The following CNKSR3 variants were observed in gnomAD, a reference collection of about 807,000 sequenced individuals.
CNKSR3 encodes the protein CNKSR family member 3.
CNKSR3 carries 36 observed loss-of-function variants against 67.7 expected under a neutral mutation model. The ratio of observed to expected loss-of-function variants is 0.53; its 90% confidence interval spans 0.41 to 0.70. CNKSR3 has a LOEUF of 0.70. Ranked by LOEUF, CNKSR3 falls within the 30% of genes least tolerant of loss-of-function variation. The probability of loss-of-function intolerance (pLI) is 0.00; values close to 1 mark genes in which losing one functional copy is unlikely to be tolerated. For missense variants in CNKSR3, 630 were observed against 695.2 expected (o/e 0.91, Z 1.05); for synonymous variants, 281 against 271.4 (o/e 1.04, Z -0.35).
intron 1 of CNKSR3, among the ~76,000 whole-genome samples, chr6:154,485,456 T>G (rs549900273): frequency 8.5e-5 from 13 of 152,318 alleles, no homozygotes; most frequent in Admixed American, 2.0e-4. Flanking sequence ...AGAAACAGTT[T>G]TTTCCCCTGG....
Position 154,402,264 on chromosome 6 carries a change from CA to C in CNKSR3, c.*4089del, listed in dbSNP as rs1784727680. On this transcript the variant is annotated 3_prime_UTR_variant, in exon 13 of 13. Coordinates refer to ENST00000607772, the MANE Select transcript of CNKSR3 (RefSeq NM_173515.4). Reference sequence around the variant, plus strand: ...CGTGATACACAAGCCCTGCAGCTTACAGCCCTCACAACAAAGAGCTGACTCA... The same window carrying C: ...CGTGATACACAAGCCCTGCAGCTTACGCCCTCACAACAAAGAGCTGACTCA... 6.6e-6 allele frequency: 1 copy of C among 152,218 alleles called. No homozygotes were observed. The highest frequency in any genetic ancestry group is 1.5e-5 in the Non-Finnish European group (1 of 68,042). The allele number at this position is 152,218 out of a possible 1,614,324, so 9.4% of individuals were successfully genotyped here.
rs151295409 is a variant in CNKSR3, at chr6:154,496,608, T to G, written c.52+13455A>C. ...TATACAGTCATATCATCTCAGAATTTTAATGTATGAGAGCATTAGAACCTA... is the reference window on the plus strand; with the variant it reads ...TATACAGTCATATCATCTCAGAATTGTAATGTATGAGAGCATTAGAACCTA... On this transcript the variant is annotated intron_variant, in intron 1 of 12. Coordinates refer to ENST00000607772, the MANE Select transcript of CNKSR3 (RefSeq NM_173515.4). Among the ~76,000 whole-genome samples the G allele has an allele frequency of 1.8e-3, 279 of 152,318 alleles. 1 individual carries two copies. The highest frequency in any genetic ancestry group is 6.2e-3 in the African/African-American group (256 of 41,558).
At chr6:154,411,680 A>C (rs9383707) in intron 10 of CNKSR3, among the ~76,000 whole-genome samples, 1 of 147,560 alleles carries the variant, frequency 6.8e-6, no homozygotes, top group Non-Finnish European at 1.5e-5. Flanking sequence ...GGTTTTTTTT[A>C]ATATCCAAAC....
chr6:154,422,971 T>A lies in CNKSR3; in HGVS notation c.742A>T (p.Arg248Ter). The change falls in exon 8 of 13, where the codon AGA becomes TGA. Residue 248 changes from arginine to a stop codon, truncating the protein, a stop_gained. Transcript: ENST00000607772. LOFTEE classifies it high-confidence loss of function. ...TCACCAGCATGAATCTTCTGAGATC[T>A]GTCTGCAGGAGACTGTACAGAAACA... Reference protein sequence around the residue: ...TGTTENSPADRSQKIHAGDEV... With the variant: ...TGTTENSPAD 3 of 1,610,818 alleles carry A rather than the reference T, an allele frequency of 1.9e-6. No individual in the cohort carries two copies. The highest frequency in any genetic ancestry group is 2.5e-6 in the Non-Finnish European group (3 of 1,177,596).
At position 154,510,252 on chromosome 6, in the gene CNKSR3, C is replaced by T. The variant is rs149086708; in HGVS notation, c.-138G>A. The T allele has an allele frequency of 5.8e-3, 5,266 of 913,274 alleles. 22 individuals are homozygous for T. The highest frequency in any genetic ancestry group is 7.3e-3 in the Non-Finnish European group (4,339 of 590,926). 56.6% of individuals were successfully genotyped at this position (913,274 alleles called of 1,614,324 possible). A position where few individuals can be genotyped will look rare whatever the true frequency, so the allele number is the denominator to read the frequency against. On this transcript the variant is annotated 5_prime_UTR_variant, in exon 1 of 13. Transcript: ENST00000607772. ...AGCGACTCCGTCAAGACTGCATGGCCGCGGTCAGCCAGTCGTCCCAGCGCG... is the reference window on the plus strand; with the variant it reads ...AGCGACTCCGTCAAGACTGCATGGCTGCGGTCAGCCAGTCGTCCCAGCGCG...
chr6:154,411,087 G>A lies in CNKSR3; in HGVS notation c.1126C>T (p.Pro376Ser). The change falls in exon 11 of 13, where the codon CCT (proline) becomes TCT (serine). Residue 376 changes from proline to serine, a missense_variant. Transcript: ENST00000607772. The part of the protein sequence containing the change: ...GGSSKCKQPL[P>S]GPKGSESPNS... ...GGGGACTCTGAACCCTTAGGACCAG[G>A]CAATGGTTGTTTGCACTTACTGGAC... 6.2e-7 allele frequency: 1 copy of A among 1,614,052 alleles called. No individual in the cohort carries two copies. Among genetic ancestry groups the A allele is most frequent in the Non-Finnish European group, 8.5e-7 (1 of 1,179,960 alleles).
chr6:154,410,297 T>C, intron 12 of CNKSR3, 46 bp downstream of exon 12: 1 of 1,373,800 alleles, frequency 7.3e-7, no homozygotes, highest in Non-Finnish European at 1.0e-6. Flanking sequence ...CCTGGGGCTG[T>C]TCACTCCCCA....
At chr6:154,417,871 T>C (rs890321935) in intron 9 of CNKSR3, among the ~76,000 whole-genome samples, 6 of 152,090 alleles carry the variant, frequency 3.9e-5, no homozygotes, top group Non-Finnish European at 8.8e-5. Context: ...AGCTGAGTAA[T>C]AGAGGTATTA....
chr6:154,419,844 C>G (rs1378033521), intron 9 of CNKSR3, among the ~76,000 whole-genome samples: 1 of 152,132 alleles, frequency 6.6e-6, no homozygotes, highest in Non-Finnish European at 1.5e-5. Flanking sequence ...CTTTGGGAGG[C>G]TGAGGCGGGC....
rs35873703 is a variant in CNKSR3 at position 154,415,228 on chromosome 6, A to ATTTTTTTTTTT, written c.946-816_946-806dup. Among the ~76,000 whole-genome samples the ATTTTTTTTTTT allele has an allele frequency of 1.3e-3, 155 of 118,110 alleles. 14 individuals are homozygous for ATTTTTTTTTTT. The highest frequency in any genetic ancestry group is 4.0e-3 in the African/African-American group (121 of 30,270). The allele number at this position is 118,110 out of a possible 152,430, so 77.5% of individuals were successfully genotyped here. Reference sequence around the variant, plus strand: ...TCCTGGCTAGACTTACTAGCTGCCCATTTTTTTTTTTTTTTTTTTTAAGAT... The same window carrying ATTTTTTTTTTT: ...TCCTGGCTAGACTTACTAGCTGCCCATTTTTTTTTTTTTTTTTTTTTTTTTTTTTTTAAGAT... On this transcript the variant is annotated intron_variant, in intron 9 of 12. Coordinates refer to ENST00000607772, the MANE Select transcript of CNKSR3 (RefSeq NM_173515.4).
At chr6:154,442,985 G>C (rs1270748355) in intron 2 of CNKSR3, among the ~76,000 whole-genome samples, 1 of 151,986 alleles carries the variant, frequency 6.6e-6, no homozygotes, top group Non-Finnish European at 1.5e-5. Flanking sequence ...TTCTTCCTAG[G>C]TTCACAGGTT....
At chr6:154,489,531 AAAAC>A (rs34366789) in intron 1 of CNKSR3, among the ~76,000 whole-genome samples, 68,551 of 150,794 alleles carry the variant, frequency 0.45, 16,419 homozygotes, top group Middle Eastern at 0.6. Flanking sequence ...AGTCCATCTC[AAAAC>A]AAACAAACAA....
intron 1 of CNKSR3, among the ~76,000 whole-genome samples, chr6:154,480,054 T>G (rs1786534465): frequency 6.6e-6 from 1 of 152,190 alleles, no homozygotes; most frequent in Admixed American, 6.5e-5. Context: ...GAAGTAAACT[T>G]TCTCGTTGTT....
At chr6:154,484,695 C>CAAAAAAAAAAAAAAA (rs1166789172) in intron 1 of CNKSR3, among the ~76,000 whole-genome samples, 1 of 65,522 alleles carries the variant, frequency 1.5e-5, no homozygotes, top group Non-Finnish European at 3.4e-5. Flanking sequence ...GAGCAAGACT[C>CAAAAAAAAAAAAAAA]AAAAAAAAAA....
chr6:154,389,669 A>C lies in CNKSR3; in HGVS notation c.*16685T>G, dbSNP rs543772789. The C allele has an allele frequency of 6.6e-5, 6 of 91,404 alleles. No homozygotes were observed. Among genetic ancestry groups the C allele is most frequent in the African/African-American group, 1.4e-4 (2 of 14,374 alleles). The allele number at this position is 91,404 out of a possible 1,614,324, so 5.7% of individuals were successfully genotyped here. A position where few individuals can be genotyped will look rare whatever the true frequency, so the allele number is the denominator to read the frequency against. Reference sequence around the variant, plus strand: ...AGAACGCCCTAAGACTCCATTTTTTAAACATGTTAGAATAAAGGAATTCAA... The same window carrying C: ...AGAACGCCCTAAGACTCCATTTTTTCAACATGTTAGAATAAAGGAATTCAA... On this transcript the variant is annotated 3_prime_UTR_variant, in exon 13 of 13. Coordinates refer to ENST00000607772, the MANE Select transcript of CNKSR3 (RefSeq NM_173515.4).
intron 1 of CNKSR3, among the ~76,000 whole-genome samples, chr6:154,486,845 G>C (rs1420347225): frequency 6.6e-6 from 1 of 151,918 alleles, no homozygotes; most frequent in Non-Finnish European, 1.5e-5. Context: ...ACTTTTTTAA[G>C]TTAAAATAGA....
At chr6:154,508,055 A>G (rs904395579) in intron 1 of CNKSR3, among the ~76,000 whole-genome samples, 1 of 152,190 alleles carries the variant, frequency 6.6e-6, no homozygotes, top group African/African-American at 2.4e-5. Context: ...CTGATTGTAC[A>G]TTATCAACTA....
chr6:154,477,073 T>A (rs373137050), intron 1 of CNKSR3, among the ~76,000 whole-genome samples: 1 of 152,328 alleles, frequency 6.6e-6, no homozygotes, highest in East Asian at 1.9e-4. Flanking sequence ...GAAATGCACA[T>A]GGCTGTGAGG....
chr6:154,433,467 A>C lies in CNKSR3; in HGVS notation c.548T>G (p.Val183Gly), dbSNP rs1457436918. 2 of 1,580,218 alleles carry C rather than the reference A, an allele frequency of 1.3e-6. No individual in the cohort carries two copies. The highest frequency in any genetic ancestry group is 2.3e-5 in the South Asian group (2 of 88,014). Residue 183 changes from valine (V) to glycine (G), a missense_variant and splice_region_variant, in exon 5 of 13, where the codon GTG (valine) becomes GGG (glycine). Around this residue, in one of 3 missense-constraint regions of CNKSR3, gnomAD observed 133 missense variants for 190.6 expected, o/e 0.70. Coordinates refer to ENST00000607772, the MANE Select transcript of CNKSR3 (RefSeq NM_173515.4). ...VAEMEDKVLT[V>G]VKVLNGICDK... ...ATAACTTTTAGAATGTATACTTACC[A>C]CAGTTAAAACTTTATCCTCCATTTC... is the stretch of plus-strand genomic sequence containing the variant.
Sources: allele counts gnomAD v4.1 joint callset (sites outside exome capture counted in the v4.1 genomes callset), GRCh38; gene constraint gnomAD v4.1.1; regional missense constraint gnomAD v4.1.1; transcripts MANE v1.5; gene names NCBI Gene and HGNC (gene_info 2026-07-23, HGNC 2026-07-21).